Variants in TLN1 observed in about 807,000 individuals in gnomAD.
TLN1 encodes the protein talin-1.
Under a neutral mutation model 292.3 loss-of-function variants are expected in TLN1, and 56 were observed. That is an observed-to-expected ratio of 0.19 (90% CI 0.15 to 0.24). TLN1 has a LOEUF of 0.24. Among genes scored for constraint, TLN1 ranks in the 10% least tolerant of loss-of-function variants. The pLI is 1.00. For missense variants in TLN1, 2,433 were observed against 3,248.2 expected, an observed-to-expected ratio of 0.75 and a Z score of 6.10; for synonymous variants, 1,119 against 1,253.7, an observed-to-expected ratio of 0.89 and a Z score of 2.27.
At chr9:35,725,804 GA>G (rs2131909804) in intron 1 of TLN1, 77 bp from the exon 2 acceptor site, 1 of 1,391,602 alleles carries the variant, frequency 7.2e-7, no homozygotes, top group East Asian at 2.3e-5. Context: ...GAGTCCAAGG[GA>G]AGAGTGTTTT....
chr9:35,710,582 G>A lies in TLN1; in HGVS notation c.4305C>T (p.Gly1435=), dbSNP rs1245701140. 4 of 1,613,670 alleles carry A rather than the reference G, an allele frequency of 2.5e-6. No individual in the cohort carries two copies. The highest frequency in any genetic ancestry group is 3.4e-6 in the Non-Finnish European group (4 of 1,180,008). Residue 1435 remains glycine (G), a synonymous_variant, in exon 33 of 57, where the codon GGC becomes GGT. Transcript: ENST00000314888. ...AISTASKALC[G]FTEAAAQAAY... ...TAACCTGTGCAGCTGCCTCGGTGAA[G>A]CCACAAAGTGCCTTTGAGGCTGTGG...
chr9:35,700,821 CAT>C (rs1490928554), intron 48 of TLN1, among the ~76,000 whole-genome samples: 1 of 152,098 alleles, frequency 6.6e-6, no homozygotes, highest in East Asian at 1.9e-4. Flanking sequence ...ATGTGAAAGT[CAT>C]AAAATATTTT....
rs199738149 is a variant in TLN1, at chr9:35,713,169, C to T, written c.3352+27G>A. 7 of 1,585,456 alleles carry T rather than the reference C, an allele frequency of 4.4e-6. No homozygotes were observed. The East Asian group carries it at 1.1e-4, about 26-fold the overall frequency. ...TTTTCCTACCTCCCTCACAATATGCCCCATGCCTGGCTCTCTGCCCACATA... is the reference window on the plus strand; with the variant it reads ...TTTTCCTACCTCCCTCACAATATGCTCCATGCCTGGCTCTCTGCCCACATA... On this transcript the variant is annotated intron_variant, in intron 26 of 56. Coordinates refer to ENST00000314888, the MANE Select transcript of TLN1 (RefSeq NM_006289.4).
chr9:35,722,854 CA>C lies in TLN1; in HGVS notation c.843+6del, dbSNP rs1382978527. On this transcript the variant is annotated splice_donor_region_variant and intron_variant, in intron 8 of 56. Coordinates refer to ENST00000314888, the MANE Select transcript of TLN1 (RefSeq NM_006289.4). Reference sequence around the variant, plus strand: ...CATCCCAAATACTTTCCCCTACCCACATTCACCTGGAAGATCTTACGCTCTC... The same window carrying C: ...CATCCCAAATACTTTCCCCTACCCACTTCACCTGGAAGATCTTACGCTCTC... 6.2e-7 allele frequency: 1 copy of C among 1,613,790 alleles called. No homozygotes were observed. Among genetic ancestry groups the C allele is most frequent in the South Asian group, 1.1e-5 (1 of 91,080 alleles).
chr9:35,731,530 T>G (rs1391825951), intron 1 of TLN1, among the ~76,000 whole-genome samples: 1 of 148,270 alleles, frequency 6.7e-6, no homozygotes, highest in Non-Finnish European at 1.5e-5. Context: ...CCAACATTCT[T>G]TAATCCCTCA....
At position 35,711,619 on chromosome 9, in the gene TLN1, A is replaced by G; in HGVS notation, c.3855T>C (p.Gly1285=). 1 of 1,613,864 alleles carries G rather than the reference A, an allele frequency of 6.2e-7. No homozygotes were observed. Among genetic ancestry groups the G allele is most frequent in the South Asian group, 1.1e-5 (1 of 91,048 alleles). Residue 1285 remains glycine (G), a synonymous_variant, in exon 29 of 57, where the codon GGT becomes GGC. Transcript: ENST00000314888. ...CCGGAGCCTGGCCTGCCATCTCCAC[A>G]CCAGCTTCCAGGAAGGTGCTGAAGT... ...GQDFSTFLEA[G]VEMAGQAPSQ...
intron 1 of TLN1, among the ~76,000 whole-genome samples, chr9:35,726,703 C>T (rs929251393): frequency 1.3e-5 from 2 of 152,196 alleles, no homozygotes; most frequent in African/African-American, 2.4e-5. Flanking sequence ...GGAGCCTAGC[C>T]CTGTACTGGG....
rs771688185 is a variant in TLN1, at chr9:35,712,028, T to C, written c.3658A>G (p.Ser1220Gly). The C allele has an allele frequency of 1.9e-6, 3 of 1,614,040 alleles. No homozygotes were observed. Among genetic ancestry groups the C allele is most frequent in the South Asian group, 1.1e-5 (1 of 91,078 alleles). ...ACCGAGTCACTCAGGAGTCGCTTGCTGGCATCTCCAACTGCCCTCAGGGCA... is the reference window on the plus strand; with the variant it reads ...ACCGAGTCACTCAGGAGTCGCTTGCCGGCATCTCCAACTGCCCTCAGGGCA... ...DNALRAVGDA[S>G]KRLLSDSLPP... The change falls in exon 28 of 57, where the codon AGC becomes GGC. Residue 1220 changes from serine to glycine, a missense_variant. Physicochemically the swap from Ser to Gly is moderately conservative, Grantham distance 56 (BLOSUM62 0). This residue lies in a region of TLN1 where 1,384 missense variants were observed against 1,699.6 expected (regional missense o/e 0.81). Transcript: ENST00000314888.
chr9:35,707,857 G>C lies in TLN1; in HGVS notation c.4506C>G (p.Thr1502=), dbSNP rs1386431696. 1 of 1,614,186 alleles carries C rather than the reference G, an allele frequency of 6.2e-7. No homozygotes were observed. ...LSAATIVAKH[T]SALCNSCRLA... Reference sequence around the variant, plus strand: ...GGCGACAGCTGTTACACAGTGCAGAGGTGTGTTTAGCCACAATGGTGGCTG... The same window carrying C: ...GGCGACAGCTGTTACACAGTGCAGACGTGTGTTTAGCCACAATGGTGGCTG... The change falls in exon 35 of 57, where the codon ACC becomes ACG. Residue 1502 remains threonine, a synonymous_variant. Transcript: ENST00000314888. The surrounding 1 kb of genome is among the most constrained non-coding windows in gnomAD (Gnocchi z 5.6).
rs1377659989 is a variant in TLN1, at chr9:35,699,196, TGG to T, written c.6875-42_6875-41del. On this transcript the variant is annotated intron_variant, in intron 51 of 56. Transcript: ENST00000314888. This position sits in a 1 kb window ranked among gnomAD's most constrained non-coding sequence, Gnocchi z 4.0. Reference sequence around the variant, plus strand: ...GAAGAGGAAAGAGGCTAAGGCAGAGTGGGGAGGTCAAAAGCACCAGGGAGCAT... The same window carrying T: ...GAAGAGGAAAGAGGCTAAGGCAGAGTGGAGGTCAAAAGCACCAGGGAGCAT... 3 of 1,585,484 alleles carry T rather than the reference TGG, an allele frequency of 1.9e-6. No individual in the cohort carries two copies. Among genetic ancestry groups the T allele is most frequent in the Non-Finnish European group, 2.6e-6 (3 of 1,164,046 alleles).
Position 35,711,084 on chromosome 9 carries a change from TG to T in TLN1, c.4020-3del. On this transcript the variant is annotated splice_region_variant and splice_polypyrimidine_tract_variant and intron_variant, in intron 30 of 56. Coordinates refer to ENST00000314888, the MANE Select transcript of TLN1 (RefSeq NM_006289.4). ...TGATTGATGCTGTCAGTTACTGCCC[TG>T]GGAGTGACAGAAAGTTGAGTGAAAA... 2.5e-6 allele frequency: 4 copies of T among 1,614,194 alleles called. No homozygotes were observed. In the South Asian group the frequency reaches 4.4e-5, roughly 18 times the overall value.
At chr9:35,730,658 T>C (rs1168127636) in intron 1 of TLN1, among the ~76,000 whole-genome samples, 1 of 150,178 alleles carries the variant, frequency 6.7e-6, no homozygotes, top group Non-Finnish European at 1.5e-5. Flanking sequence ...GTGAGGGAGG[T>C]AGAACTAAGG....
At chr9:35,731,891 G>A (rs2131918575) in intron 1 of TLN1, among the ~76,000 whole-genome samples, 184 bp downstream of exon 1, 1 of 152,164 alleles carries the variant, frequency 6.6e-6, no homozygotes, top group East Asian at 1.9e-4. Flanking sequence ...ACTGCTCCCA[G>A]GAAAGGCCTG....
rs747225981 is a variant in TLN1, at chr9:35,721,795, C to G, written c.957G>C (p.Met319Ile). Residue 319 changes from methionine to isoleucine, a missense_variant, in exon 10 of 57, where the codon ATG becomes ATC. By Grantham distance (10) the Met-to-Ile change is conservative. Coordinates refer to ENST00000314888, the MANE Select transcript of TLN1 (RefSeq NM_006289.4). ...GVSFFLVKEKMKGKNKLVPRL... is the reference protein window; with the variant it reads ...GVSFFLVKEKIKGKNKLVPRL... ...TGGGCACTAGCTTGTTCTTCCCTTT[C>G]ATTTTTTCCTATGAGGCAGAGGTTG... 1 of 1,609,054 alleles carries G rather than the reference C, an allele frequency of 6.2e-7. No individual in the cohort carries two copies. The highest frequency in any genetic ancestry group is 1.1e-5 in the South Asian group (1 of 91,026).
At chr9:35,729,909 A>T (rs1826041454) in intron 1 of TLN1, among the ~76,000 whole-genome samples, 1 of 145,246 alleles carries the variant, frequency 6.9e-6, no homozygotes, top group Admixed American at 7.0e-5. Context: ...CACTAGGGGC[A>T]GATGGGGTTG....
At chr9:35,697,991 G>T in intron 56 of TLN1, 53 bp downstream of exon 56, 1 of 1,613,958 alleles carries the variant, frequency 6.2e-7, no homozygotes, top group African/African-American at 1.3e-5. Flanking sequence ...ACCAGCGCAG[G>T]CAACATGACT....
chr9:35,714,088 T>C lies in TLN1; in HGVS notation c.3121-7A>G, dbSNP rs957875154. On this transcript the variant is annotated splice_polypyrimidine_tract_variant and splice_region_variant and intron_variant, in intron 24 of 56. Transcript: ENST00000314888. This position sits in a 1 kb window ranked among gnomAD's most constrained non-coding sequence, Gnocchi z 4.6. ...GTCCACATGCTTCCTGAGCCTATGA[T>C]AAGAAAGGGGTTTTGGGTGTAGAAG... 1.4e-5 allele frequency: 22 copies of C among 1,613,840 alleles called. No individual in the cohort carries two copies. Among genetic ancestry groups the C allele is most frequent in the Non-Finnish European group, 1.9e-5 (22 of 1,179,802 alleles).
At chr9:35,725,185 G>A (rs1825948761) in intron 3 of TLN1, 39 bp downstream of exon 3, 2 of 1,605,294 alleles carry the variant, frequency 1.2e-6, no homozygotes, top group African/African-American at 2.7e-5. Context: ...AGAAGCTGAT[G>A]GAAGGGGATG....
At position 35,717,007 on chromosome 9, in the gene TLN1, C is replaced by T; in HGVS notation, c.2458+139G>A. On this transcript the variant is annotated intron_variant, in intron 19 of 56. Transcript: ENST00000314888. This position sits in a 1 kb window ranked among gnomAD's most constrained non-coding sequence, Gnocchi z 4.7. ...GGGTTCAGAGAGCTTTAATGATGAG[C>T]CTATGGTTGTGTGGCTGGCAAGCCC... The T allele has an allele frequency of 1.1e-6, 1 of 906,092 alleles. No homozygotes were observed. The highest frequency in any genetic ancestry group is 1.6e-6 in the Non-Finnish European group (1 of 607,480). 56.1% of individuals were successfully genotyped at this position (906,092 alleles called of 1,614,324 possible).
Sources: gnomAD v4.1 joint callset for allele counts (sites outside exome capture counted in the v4.1 genomes callset) on GRCh38, gnomAD v4.1.1 for gene constraint, gnomAD v4.1.1 regional missense constraint, Gnocchi (gnomAD v3.1) non-coding constraint, MANE v1.5 for transcripts, NCBI Gene and HGNC (gene_info 2026-07-23, HGNC 2026-07-21) for gene names.